JMJD1C: variants seen among roughly 807,000 people sequenced by gnomAD.
JMJD1C encodes jumonji domain-containing protein 1C.
Under a neutral mutation model 245.3 loss-of-function variants are expected in JMJD1C, and 31 were observed. The observed-to-expected ratio is 0.13, with a 90% confidence interval of 0.09 to 0.17. The LOEUF is 0.17. Ranked by LOEUF, JMJD1C falls within the 10% of genes least tolerant of loss-of-function variation. The pLI is 1.00. For missense variants in JMJD1C, 2,691 were observed against 3,000.2 expected, an observed-to-expected ratio of 0.90 and a Z score of 2.41; for synonymous variants, 1,057 against 1,017.4, an observed-to-expected ratio of 1.04 and a Z score of -0.74.
chr10:63,392,407 C>T (rs1454881121), intron 1 of JMJD1C, among the ~76,000 whole-genome samples: 1 of 152,116 alleles, frequency 6.6e-6, no homozygotes, highest in Non-Finnish European at 1.5e-5. Context: ...GCAAAGGAAA[C>T]AATCAACAGA....
At chr10:63,263,175 T>A (rs934879429) in intron 3 of JMJD1C, among the ~76,000 whole-genome samples, 1 of 152,086 alleles carries the variant, frequency 6.6e-6, no homozygotes, top group Admixed American at 6.6e-5. Context: ...CACTATTAAA[T>A]TGGGATTTGC....
At chr10:63,200,750 A>C (rs774148043) in intron 10 of JMJD1C, 73 bp from the exon 11 acceptor site, 1 of 1,288,024 alleles carries the variant, frequency 7.8e-7, no homozygotes, top group Admixed American at 1.9e-5. Flanking sequence ...ATGAAATTCA[A>C]GTCAGTTATA....
At chr10:63,370,994 T>C (rs1334340924) in intron 2 of JMJD1C, among the ~76,000 whole-genome samples, 2 of 152,182 alleles carry the variant, frequency 1.3e-5, no homozygotes, top group Admixed American at 6.6e-5. Context: ...ATATTTTCCG[T>C]TGAGACAGGG....
At chr10:63,428,563 A>C (rs909245159) in intron 1 of JMJD1C, among the ~76,000 whole-genome samples, 4 of 152,202 alleles carry the variant, frequency 2.6e-5, no homozygotes, top group African/African-American at 7.2e-5. Flanking sequence ...ATAGATGAGA[A>C]ACTTTTCAGT....
chr10:63,473,436 G>A (rs1403183709), intron 1 of JMJD1C, among the ~76,000 whole-genome samples: 4 of 151,278 alleles, frequency 2.6e-5, no homozygotes, highest in South Asian at 2.1e-4. Context: ...GAGTAGAGAC[G>A]GGGTTTCACT....
chr10:63,376,706 T>C (rs77526386), intron 2 of JMJD1C, among the ~76,000 whole-genome samples: 5,614 of 151,994 alleles, frequency 0.037, 333 homozygotes, highest in East Asian at 0.29. Flanking sequence ...TAGAAAAATA[T>C]AAAACAAAAC....
At chr10:63,405,316 ATTTTT>A (rs60087645) in intron 1 of JMJD1C, among the ~76,000 whole-genome samples, 34 of 99,440 alleles carry the variant, frequency 3.4e-4, no homozygotes, top group East Asian at 1.1e-3. Context: ...CCACATGTAG[ATTTTT>A]TTTTTTTTTT....
chr10:63,367,010 A>C (rs1197969867), intron 2 of JMJD1C, among the ~76,000 whole-genome samples: 1 of 152,200 alleles, frequency 6.6e-6, no homozygotes, highest in African/African-American at 2.4e-5. Flanking sequence ...CAGGCAATAA[A>C]GATTCATAAG....
intron 2 of JMJD1C, chr10:63,359,010 T>C: frequency 6.4e-6 from 1 of 155,126 alleles, no homozygotes; most frequent in Non-Finnish European, 1.5e-5. Context: ...TTAAGAATAT[T>C]ACTACCAGAT....
intron 1 of JMJD1C, among the ~76,000 whole-genome samples, chr10:63,514,634 G>T (rs1237426982): frequency 1.3e-5 from 2 of 152,086 alleles, no homozygotes; most frequent in Non-Finnish European, 2.9e-5. Flanking sequence ...CTAGAGGAGG[G>T]AGGGAGGGGG....
rs572459490 is a variant in JMJD1C at position 63,315,756 on chromosome 10, C to T, written c.334-50992G>A. On this transcript the variant is annotated intron_variant, in intron 2 of 25. Coordinates refer to ENST00000399262, the MANE Select transcript of JMJD1C (RefSeq NM_032776.3). ...TTGGGAGGCTGAGGAAGGGGAATCA[C>T]TTGAACCCACGAGGCAGAGGTTGCA... Among the ~76,000 whole-genome samples the T allele has an allele frequency of 2.0e-5, 3 of 148,960 alleles. No homozygotes were observed. The South Asian group carries it at 6.3e-4, about 31-fold the overall frequency.
At chr10:63,194,462 G>T in intron 13 of JMJD1C, 87 bp from the exon 14 acceptor site, 1 of 870,744 alleles carries the variant, frequency 1.1e-6, no homozygotes, top group Non-Finnish European at 1.8e-6. Context: ...TATATAAAAT[G>T]TTTCATAGTT....
intron 3 of JMJD1C, among the ~76,000 whole-genome samples, chr10:63,234,902 A>C (rs541102860): frequency 2.0e-5 from 3 of 152,324 alleles, no homozygotes; most frequent in East Asian, 3.9e-4. Flanking sequence ...TAATTCTGTA[A>C]TACATTTTTT....
chr10:63,493,146 A>C (rs1409328119), intron 1 of JMJD1C, among the ~76,000 whole-genome samples: 1 of 152,306 alleles, frequency 6.6e-6, no homozygotes, highest in Middle Eastern at 3.4e-3. Flanking sequence ...GAGACTTAAC[A>C]AAATAATGTA....
rs146900440 is a variant in JMJD1C, at chr10:63,234,660, T to C, written c.448-14677A>G. 4.8e-4 allele frequency among the ~76,000 whole-genome samples: 73 copies of C among 151,674 alleles called. No individual in the cohort carries two copies. In the East Asian group the frequency reaches 0.014, roughly 29 times the overall value. The stretch of plus-strand genomic sequence containing the variant: ...ATTTAATGCAATATTAAGCTGGGCA[T>C]GGTGGTTCACGCTTGTAATCCTAGC... On this transcript the variant is annotated intron_variant, in intron 3 of 25. Transcript: ENST00000399262.
chr10:63,273,556 A>C (rs1856523393), intron 2 of JMJD1C, among the ~76,000 whole-genome samples: 1 of 152,200 alleles, frequency 6.6e-6, no homozygotes, highest in South Asian at 2.1e-4. Context: ...CCCACCTTTC[A>C]CACAATTTAG....
At chr10:63,352,591 T>C (rs924344070) in intron 2 of JMJD1C, among the ~76,000 whole-genome samples, 3 of 129,032 alleles carry the variant, frequency 2.3e-5, no homozygotes, top group Admixed American at 1.9e-4. Flanking sequence ...TGGGCCAAGA[T>C]AGAGCCACTG....
chr10:63,333,236 T>C (rs1263708276), intron 2 of JMJD1C, among the ~76,000 whole-genome samples: 2 of 152,134 alleles, frequency 1.3e-5, no homozygotes, highest in Admixed American at 6.6e-5. Flanking sequence ...AGAAAAACAA[T>C]ATCCATTCTC....
At chr10:63,277,731 C>CTTTTTTTTGTTTTTTTTTTTTTT (rs1856945567) in intron 2 of JMJD1C, among the ~76,000 whole-genome samples, 1 of 64,262 alleles carries the variant, frequency 1.6e-5, no homozygotes, top group African/African-American at 7.1e-5. Context: ...ATTTGCATTT[C>CTTTTTTTTGTTTTTTTTTTTTTT]TTTTTTTTTT....
Sources: gnomAD v4.1 joint callset for allele counts (sites outside exome capture counted in the v4.1 genomes callset) on GRCh38, gnomAD v4.1.1 for gene constraint, MANE v1.5 for transcripts, NCBI Gene and HGNC (gene_info 2026-07-23, HGNC 2026-07-21) for gene names.